Variants in MARCHF1 observed in about 807,000 individuals in gnomAD.
MARCHF1 encodes the protein E3 ubiquitin-protein ligase MARCHF1.
MARCHF1 carries 40 observed loss-of-function variants against 54.2 expected under a neutral mutation model. That is an observed-to-expected ratio of 0.74 (90% confidence interval 0.57 to 0.96). The LOEUF is 0.96. Ranked by LOEUF, MARCHF1 falls within the 40% of genes least tolerant of loss-of-function variation. The pLI is 0.00. For synonymous variants in MARCHF1, 236 were observed against 236.3 expected (o/e 1.00, Z 0.01); for missense variants, 586 against 656.5 (o/e 0.89, Z 1.17).
chr4:164,252,400 G>T (rs534670487), intron 1 of MARCHF1, among the ~76,000 whole-genome samples: 11 of 152,218 alleles, frequency 7.2e-5, no homozygotes, highest in Non-Finnish European at 1.6e-4. Context: ...TAATCCCAAG[G>T]AATGAGAGAA....
At chr4:163,796,038 T>A (rs141239509) in intron 4 of MARCHF1, among the ~76,000 whole-genome samples, 2 of 152,070 alleles carry the variant, frequency 1.3e-5, no homozygotes, top group Non-Finnish European at 1.5e-5. Context: ...CGTCTTCACA[T>A]TGAGTAGGCG....
intron 5 of MARCHF1, among the ~76,000 whole-genome samples, chr4:163,657,262 A>G (rs920075665): frequency 4.6e-5 from 7 of 152,022 alleles, no homozygotes; most frequent in Admixed American, 2.6e-4. Flanking sequence ...CTATACACCA[A>G]CAAGAGGCAA....
chr4:163,612,445 A>G lies in MARCHF1; in HGVS notation c.836T>C (p.Leu279Pro). ...HHRDPQLLQS[L>P]RKNEIMKKTF... Reference sequence around the variant, plus strand: ...CTTCTTCATTATTTCATTTTTCCTAAGACTTTGCAAGAGCTGAGGATCTCT... The same window carrying G: ...CTTCTTCATTATTTCATTTTTCCTAGGACTTTGCAAGAGCTGAGGATCTCT... The change falls in exon 7 of 10, where the codon CTT becomes CCT. Residue 279 changes from leucine to proline, a missense_variant. Physicochemically the swap from Leu to Pro is moderately conservative, Grantham distance 98. Around this residue, in one of 3 missense-constraint regions of MARCHF1, gnomAD observed 387 missense variants for 394.6 expected, o/e 0.98. Coordinates refer to ENST00000514618, the MANE Select transcript of MARCHF1 (RefSeq NM_001394959.1). 1.3e-6 allele frequency: 2 copies of G among 1,535,310 alleles called. No individual in the cohort carries two copies. Among genetic ancestry groups the G allele is most frequent in the Non-Finnish European group, 1.7e-6 (2 of 1,146,450 alleles).
At chr4:164,321,520 T>C (rs1735143136) in intron 1 of MARCHF1, among the ~76,000 whole-genome samples, 1 of 151,738 alleles carries the variant, frequency 6.6e-6, no homozygotes, top group African/African-American at 2.4e-5. Flanking sequence ...AGAGAATACA[T>C]TAAATGAAAA....
intron 5 of MARCHF1, among the ~76,000 whole-genome samples, chr4:163,685,531 T>G (rs756393454): frequency 7.2e-5 from 11 of 152,172 alleles, no homozygotes; most frequent in Non-Finnish European, 1.5e-4. Flanking sequence ...CTCAGCTCAC[T>G]GCAACCTCCG....
At chr4:163,716,569 G>A (rs1359967652) in intron 4 of MARCHF1, among the ~76,000 whole-genome samples, 2 of 152,154 alleles carry the variant, frequency 1.3e-5, no homozygotes, top group Non-Finnish European at 2.9e-5. Context: ...CACGCCTTTT[G>A]CCGAGGAGTC....
At chr4:164,304,526 A>G (rs1332839271) in intron 1 of MARCHF1, among the ~76,000 whole-genome samples, 2 of 152,202 alleles carry the variant, frequency 1.3e-5, no homozygotes, top group Non-Finnish European at 2.9e-5. Context: ...GAATTCTTTA[A>G]TGATCATTTC....
At chr4:164,112,125 T>C (rs760149298) in intron 1 of MARCHF1, among the ~76,000 whole-genome samples, 3 of 151,822 alleles carry the variant, frequency 2.0e-5, no homozygotes, top group African/African-American at 7.2e-5. Context: ...GTTTTGAACA[T>C]AATGAGGATG....
At chr4:163,564,084 C>T (rs1453847591) in intron 8 of MARCHF1, among the ~76,000 whole-genome samples, 1 of 152,160 alleles carries the variant, frequency 6.6e-6, no homozygotes, top group East Asian at 1.9e-4. Context: ...TTATGTTTGC[C>T]TTATGAGTTC....
At chr4:163,700,520 AGAAAGAAAGAAGGAAGGAAG>A (rs1372548941) in intron 5 of MARCHF1, among the ~76,000 whole-genome samples, 2 of 134,446 alleles carry the variant, frequency 1.5e-5, no homozygotes, top group Admixed American at 7.8e-5. Flanking sequence ...ATAGATAGAA[AGAAAGAAAGAAGGAAGGAAG>A]GAAGGAAGGA....
intron 5 of MARCHF1, among the ~76,000 whole-genome samples, chr4:163,632,490 G>T (rs1389849794): frequency 6.6e-6 from 1 of 152,182 alleles, no homozygotes; most frequent in Non-Finnish European, 1.5e-5. Context: ...GTGATGGACG[G>T]CACCTGGAAA....
At chr4:164,140,669 G>T (rs1275594865) in intron 1 of MARCHF1, among the ~76,000 whole-genome samples, 2 of 151,998 alleles carry the variant, frequency 1.3e-5, no homozygotes, top group Admixed American at 1.3e-4. Context: ...TTCTTCCTTG[G>T]CAATACCTGT....
intron 2 of MARCHF1, among the ~76,000 whole-genome samples, chr4:163,990,512 T>C (rs955175674): frequency 6.6e-6 from 1 of 152,202 alleles, no homozygotes; most frequent in Non-Finnish European, 1.5e-5. Flanking sequence ...GCCTCAAACC[T>C]GGCATTTATT....
At chr4:163,757,884 TCACAGGGAGCTTGAGTC>T (rs1355185052) in intron 4 of MARCHF1, among the ~76,000 whole-genome samples, 1 of 152,186 alleles carries the variant, frequency 6.6e-6, no homozygotes, top group African/African-American at 2.4e-5. Flanking sequence ...TGTCATTCGT[TCACAGGGAGCTTGAGTC>T]CAGCCTATTA....
intron 5 of MARCHF1, among the ~76,000 whole-genome samples, chr4:163,676,667 G>A (rs1478667412): frequency 6.6e-6 from 1 of 152,104 alleles, no homozygotes; most frequent in Non-Finnish European, 1.5e-5. Flanking sequence ...GAGGCTGGAG[G>A]ATGGCTTGAG....
At chr4:164,330,623 T>C (rs1204083047) in intron 1 of MARCHF1, among the ~76,000 whole-genome samples, 6 of 152,208 alleles carry the variant, frequency 3.9e-5, no homozygotes, top group Non-Finnish European at 1.5e-5. Flanking sequence ...GATGATGTAC[T>C]AAAGCTGCTG....
chr4:164,089,355 A>G (rs1435531774), intron 2 of MARCHF1, among the ~76,000 whole-genome samples: 1 of 152,158 alleles, frequency 6.6e-6, no homozygotes, highest in Non-Finnish European at 1.5e-5. Context: ...CATACCAATT[A>G]GATATAATTT....
chr4:163,949,204 A>C (rs367891745), intron 3 of MARCHF1, among the ~76,000 whole-genome samples: 37 of 152,330 alleles, frequency 2.4e-4, no homozygotes, highest in East Asian at 1.7e-3. Flanking sequence ...CACACAGCCA[A>C]GCATGCCGGC....
chr4:163,665,436 A>T (rs544029112), intron 5 of MARCHF1, among the ~76,000 whole-genome samples: 2 of 152,104 alleles, frequency 1.3e-5, no homozygotes, highest in Admixed American at 6.6e-5. Context: ...TAGTCTTTCC[A>T]TCTTAAAAAA....
Sources: allele counts gnomAD v4.1 joint callset (sites outside exome capture counted in the v4.1 genomes callset), GRCh38; gene constraint gnomAD v4.1.1; regional missense constraint gnomAD v4.1.1; transcripts MANE v1.5; gene names NCBI Gene and HGNC (gene_info 2026-07-23, HGNC 2026-07-21).